ITGA2: variants seen among roughly 807,000 people sequenced by gnomAD.
ITGA2 encodes the protein integrin alpha-2.
ITGA2 carries 101 observed loss-of-function variants against 146.3 expected under a neutral mutation model. The observed-to-expected ratio is 0.69, with a 90% CI of 0.59 to 0.81. The LOEUF is 0.81. Among genes scored for constraint, ITGA2 ranks in the 40% least tolerant of loss-of-function variants. ITGA2 has a pLI of 0.00. For missense variants in ITGA2, 1,281 were observed against 1,402.7 expected, an observed-to-expected ratio of 0.91 and a Z score of 1.39; for synonymous variants, 477 against 487.1, an observed-to-expected ratio of 0.98 and a Z score of 0.27.
Position 53,046,607 on chromosome 5 carries a change from C to T in ITGA2, c.387+1515C>T, listed in dbSNP as rs1421935. 6.0e-3 allele frequency among the ~76,000 whole-genome samples: 914 copies of T among 151,262 alleles called. 6 individuals are homozygous for T. The highest frequency in any genetic ancestry group is 0.021 in the African/African-American group (875 of 41,178). ...CCTCAAAATTTTTAATCTATAACTC[C>T]AGATAAAGTAAAAAATGAAAGGTAA... On this transcript the variant is annotated intron_variant, in intron 4 of 29. Transcript: ENST00000296585.
Position 53,064,528 on chromosome 5 carries a change from T to C in ITGA2, c.1603-384T>C, listed in dbSNP as rs142027691. Among the ~76,000 whole-genome samples, 184 of 152,046 alleles carry C rather than the reference T, an allele frequency of 1.2e-3. 1 individual carries two copies. In the South Asian group the frequency reaches 0.027, roughly 22 times the overall value. ...GATTGCTCTGAATTTTATTTTCTTT[T>C]TTATTTTATCATATTTCTTTCACTT... On this transcript the variant is annotated intron_variant, in intron 13 of 29. Coordinates refer to ENST00000296585, the MANE Select transcript of ITGA2 (RefSeq NM_002203.4).
At chr5:53,018,445 G>A (rs1348770070) in intron 1 of ITGA2, among the ~76,000 whole-genome samples, 1 of 152,106 alleles carries the variant, frequency 6.6e-6, no homozygotes, top group African/African-American at 2.4e-5. Context: ...CTGGGGACCA[G>A]GAAGGATTCC....
intron 1 of ITGA2, among the ~76,000 whole-genome samples, chr5:53,007,461 G>T (rs890536848): frequency 7.9e-5 from 12 of 151,852 alleles, no homozygotes; most frequent in African/African-American, 2.9e-4. Context: ...GCACTGACTT[G>T]CTAAATACAC....
chr5:53,010,945 A>G (rs1742094821), intron 1 of ITGA2, among the ~76,000 whole-genome samples: 2 of 152,038 alleles, frequency 1.3e-5, no homozygotes, highest in African/African-American at 4.8e-5. Flanking sequence ...TGTAAAGGGG[A>G]GGAGGAGATG....
chr5:53,078,080 C>A (rs1215189375), intron 23 of ITGA2, among the ~76,000 whole-genome samples: 1 of 152,080 alleles, frequency 6.6e-6, no homozygotes, highest in East Asian at 1.9e-4. Context: ...TTTCTCTGAT[C>A]TCATCATCAC....
At chr5:53,033,937 A>G (rs796870756) in intron 2 of ITGA2, among the ~76,000 whole-genome samples, 8 of 151,830 alleles carry the variant, frequency 5.3e-5, no homozygotes, top group African/African-American at 1.9e-4. Context: ...CTAATTTTTT[A>G]TATTTTTAGT....
At chr5:53,016,098 A>G (rs574698664) in intron 1 of ITGA2, among the ~76,000 whole-genome samples, 78 of 152,228 alleles carry the variant, frequency 5.1e-4, no homozygotes, top group African/African-American at 1.7e-3. Context: ...CAAGGTTAAC[A>G]TTGATTTGTG....
At chr5:53,087,297 G>A (rs566691443) in intron 28 of ITGA2, among the ~76,000 whole-genome samples, 26 of 152,296 alleles carry the variant, frequency 1.7e-4, no homozygotes, top group Admixed American at 4.6e-4. Context: ...GTGATCCAGT[G>A]AGAAGTACAA....
chr5:53,024,186 G>A (rs1742822984), intron 1 of ITGA2, among the ~76,000 whole-genome samples: 1 of 152,168 alleles, frequency 6.6e-6, no homozygotes, highest in Non-Finnish European at 1.5e-5. Context: ...TAATAGCTTG[G>A]TTTTGCTGTT....
At chr5:53,041,693 T>C (rs1743804677) in intron 2 of ITGA2, among the ~76,000 whole-genome samples, 2 of 152,140 alleles carry the variant, frequency 1.3e-5, no homozygotes, top group South Asian at 4.1e-4. Context: ...TTAGGAAAAA[T>C]GAATGTCAAA....
intron 9 of ITGA2, among the ~76,000 whole-genome samples, chr5:53,056,786 C>T (rs1744654016): frequency 6.6e-6 from 1 of 151,564 alleles, no homozygotes; most frequent in South Asian, 2.1e-4. Context: ...CAGGAGCTCA[C>T]TGTGTGGGGG....
Position 53,048,755 on chromosome 5 carries a change from C to A in ITGA2, c.615C>A (p.Gly205=). The change falls in exon 6 of 30, where the codon GGC becomes GGA. Residue 205 remains glycine, a synonymous_variant. Coordinates refer to ENST00000296585, the MANE Select transcript of ITGA2 (RefSeq NM_002203.4). ...AATTTGTACAAGGCCTGGATATAGG[C>A]CCCACAAAGACACAGGTATGGCTAA... The part of the protein sequence containing the change: ...LEKFVQGLDI[G]PTKTQVGLIQ... 1 of 1,613,826 alleles carries A rather than the reference C, an allele frequency of 6.2e-7. No individual in the cohort carries two copies. The highest frequency in any genetic ancestry group is 2.2e-5 in the East Asian group (1 of 44,852).
chr5:52,993,958 T>G (rs983325906), intron 1 of ITGA2, among the ~76,000 whole-genome samples: 1 of 152,122 alleles, frequency 6.6e-6, no homozygotes, highest in East Asian at 1.9e-4. Context: ...TTTTTTCCAG[T>G]TGTTCAGTGA....
chr5:53,009,659 T>A (rs968604288), intron 1 of ITGA2, among the ~76,000 whole-genome samples: 1 of 152,248 alleles, frequency 6.6e-6, no homozygotes, highest in East Asian at 1.9e-4. Flanking sequence ...CTAGATTGAT[T>A]ATATATTTTA....
rs1243641566 is a variant in ITGA2, at chr5:53,048,718, A to AT, written c.584dup (p.Leu195PhefsTer25). ...ATTTATCCTTGGGATGCAGTAAAGAATTTTTTGGAAAAATTTGTACAAGGC... is the reference window on the plus strand; with the variant it reads ...ATTTATCCTTGGGATGCAGTAAAGAATTTTTTTGGAAAAATTTGTACAAGGC... On this transcript the variant is annotated frameshift_variant, in exon 6 of 30. Coordinates refer to ENST00000296585, the MANE Select transcript of ITGA2 (RefSeq NM_002203.4). LOFTEE classifies it high-confidence loss of function. 6.2e-7 allele frequency: 1 copy of AT among 1,614,078 alleles called. No homozygotes were observed. Among genetic ancestry groups the AT allele is most frequent in the Non-Finnish European group, 8.5e-7 (1 of 1,179,960 alleles).
rs775692909 is a variant in ITGA2 at position 53,045,037 on chromosome 5, C to T, written c.332C>T (p.Thr111Ile). ...TSIPNVTEMK[T>I]NMSLGLILTR... ...ATTCCAAATGTTACTGAGATGAAAA[C>T]CAACATGAGCCTCGGCTTGATCCTC... The change falls in exon 4 of 30, where the codon ACC becomes ATC. Residue 111 changes from threonine to isoleucine, a missense_variant. By Grantham distance (89) the Thr-to-Ile change is moderately conservative (BLOSUM62 -1). Coordinates refer to ENST00000296585, the MANE Select transcript of ITGA2 (RefSeq NM_002203.4). 6.2e-7 allele frequency: 1 copy of T among 1,613,884 alleles called. No individual in the cohort carries two copies. The highest frequency in any genetic ancestry group is 2.2e-5 in the East Asian group (1 of 44,850).
chr5:53,058,004 T>G (rs769293900), intron 9 of ITGA2, 21 bp from the exon 10 acceptor site: 1 of 1,591,030 alleles, frequency 6.3e-7, no homozygotes, highest in East Asian at 2.2e-5. Flanking sequence ...GTAATACAAT[T>G]TTTAAAATTG....
At chr5:53,060,150 G>A (rs949898834) in intron 11 of ITGA2, 138 bp downstream of exon 11, 1 of 909,292 alleles carries the variant, frequency 1.1e-6, no homozygotes, top group Non-Finnish European at 1.8e-6. Flanking sequence ...TACATATGTT[G>A]TCTCTTTGCC....
intron 6 of ITGA2, among the ~76,000 whole-genome samples, chr5:53,049,657 C>G (rs1053947181): frequency 5.3e-5 from 8 of 151,968 alleles, no homozygotes; most frequent in Admixed American, 1.3e-4. Context: ...GCACCTAAAG[C>G]TCAATAGTAT....
Sources: allele counts gnomAD v4.1 joint callset (sites outside exome capture counted in the v4.1 genomes callset), GRCh38; gene constraint gnomAD v4.1.1; transcripts MANE v1.5; gene names NCBI Gene and HGNC (gene_info 2026-07-23, HGNC 2026-07-21).